Variants in DPYSL4 observed in about 807,000 individuals in gnomAD.
DPYSL4 encodes dihydropyrimidinase like 4, also known as dihydropyrimidinase-related protein 4.
In DPYSL4, 43 loss-of-function variants were observed where a neutral mutation model predicts 63.4. That is an observed-to-expected ratio of 0.68 (90% CI 0.53 to 0.88). The LOEUF is 0.88. Ranked by LOEUF, DPYSL4 falls within the 40% of genes least tolerant of loss-of-function variation. The probability of loss-of-function intolerance (pLI) is 0.00; values close to 1 mark genes in which losing one functional copy is unlikely to be tolerated. For missense variants in DPYSL4, 733 were observed against 819.5 expected (o/e 0.89, Z 1.29); for synonymous variants, 353 against 331.7 (o/e 1.06, Z -0.70).
intron 11 of DPYSL4, 84 bp downstream of exon 11, chr10:132,202,200 G>C: frequency 2.6e-6 from 4 of 1,514,398 alleles, no homozygotes; most frequent in Non-Finnish European, 3.5e-6. Flanking sequence ...GCGCAGGACA[G>C]AGGCCCACGT....
intron 12 of DPYSL4, chr10:132,203,433 C>A: frequency 2.6e-6 from 1 of 391,006 alleles, no homozygotes; most frequent in Admixed American, 3.9e-5. Flanking sequence ...TGTGCACACA[C>A]AAGTGCACGT....
At position 132,198,495 on chromosome 10, in the gene DPYSL4, G is replaced by A; in HGVS notation, c.690+12G>A. The A allele has an allele frequency of 6.3e-7, 1 of 1,595,346 alleles. No homozygotes were observed. The highest frequency in any genetic ancestry group is 8.5e-7 in the Non-Finnish European group (1 of 1,174,602). ...GCCACCCCGAGGAGGTAAGATCCCA[G>A]GGCACCACAGCACACCCGAGCCAAC... On this transcript the variant is annotated intron_variant, in intron 7 of 13. Coordinates refer to ENST00000338492, the MANE Select transcript of DPYSL4 (RefSeq NM_006426.3).
Position 132,187,111 on chromosome 10 carries a change from G to C in DPYSL4, c.39+9G>C, listed in dbSNP as rs757485817. The C allele has an allele frequency of 6.7e-7, 1 of 1,498,888 alleles. No individual in the cohort carries two copies. Among genetic ancestry groups the C allele is most frequent in the East Asian group, 2.6e-5 (1 of 38,372 alleles). The allele number at this position is 1,498,888 out of a possible 1,614,324, so 92.8% of individuals were successfully genotyped here. On this transcript the variant is annotated intron_variant, in intron 1 of 13. Transcript: ENST00000338492. ...GCATCCCCCGGATCACGGTGAGCCC[G>C]GTCCCGCTTCGCCCGGCGCCCCCTG...
chr10:132,203,663 C>T, intron 12 of DPYSL4, 99 bp from the exon 13 acceptor site: 1 of 1,194,804 alleles, frequency 8.4e-7, no homozygotes, highest in East Asian at 2.6e-5. Context: ...GCCCAGCCCT[C>T]CAGCTGCCCA....
chr10:132,200,621 G>A (rs2062001185), intron 9 of DPYSL4, 109 bp downstream of exon 9: 1 of 1,457,644 alleles, frequency 6.9e-7, no homozygotes, highest in South Asian at 1.3e-5. Flanking sequence ...GGGCAGCCCG[G>A]ACAGTGGCGG....
In DPYSL4 at chr10:132,202,757, G is replaced by A. The variant is rs772207382; in HGVS notation, c.1393G>A (p.Ala465Thr). 6 of 1,613,068 alleles carry A rather than the reference G, an allele frequency of 3.7e-6. No homozygotes were observed. The highest frequency in any genetic ancestry group is 5.1e-6 in the Non-Finnish European group (6 of 1,179,876). ...EDGKMFVTPG[A>T]GRFVPRKTFP... ...CGGGAAGATGTTTGTCACCCCGGGG[G>A]CGGGCCGCTTCGTCCCTCGGAAAAC... is the stretch of plus-strand genomic sequence containing the variant. The change falls in exon 12 of 14, where the codon GCG becomes ACG. Residue 465 changes from alanine (A) to threonine (T), a missense_variant. Ala to Thr is a moderately conservative substitution (Grantham distance 58). Coordinates refer to ENST00000338492, the MANE Select transcript of DPYSL4 (RefSeq NM_006426.3).
chr10:132,204,734 A>G, intron 13 of DPYSL4, 105 bp from the exon 14 acceptor site: 1 of 943,916 alleles, frequency 1.1e-6, no homozygotes, highest in South Asian at 2.2e-5. Flanking sequence ...GGGGCTCTGC[A>G]GTCCTGGCCC....
chr10:132,187,000 C>CCGGGGGGGGG lies in DPYSL4; in HGVS notation c.-64_-63insCGGGGGGGGG. ...ACGCGTCCCGGCTCACGCGTCCCCC[C>CCGGGGGGGGG]GCCCGCCCGCCCGCCCGCCCGCCCC... On this transcript the variant is annotated 5_prime_UTR_variant, in exon 1 of 14. Coordinates refer to ENST00000338492, the MANE Select transcript of DPYSL4 (RefSeq NM_006426.3). 3.6e-4 allele frequency: 4 copies of CCGGGGGGGGG among 11,126 alleles called. No individual in the cohort carries two copies. Among genetic ancestry groups the CCGGGGGGGGG allele is most frequent in the Non-Finnish European group, 3.5e-4 (2 of 5,646 alleles). The allele number at this position is 11,126 out of a possible 1,614,324, so 0.7% of individuals were successfully genotyped here.
Position 132,203,879 on chromosome 10 carries a change from T to C in DPYSL4, c.1579T>C (p.Ser527Pro). 1 of 1,612,786 alleles carries C rather than the reference T, an allele frequency of 6.2e-7. No individual in the cohort carries two copies. Among genetic ancestry groups the C allele is most frequent in the Admixed American group, 1.7e-5 (1 of 60,018 alleles). Residue 527 changes from serine (S) to proline (P), a missense_variant, in exon 13 of 14, where the codon TCC becomes CCC. Coordinates refer to ENST00000338492, the MANE Select transcript of DPYSL4 (RefSeq NM_006426.3). Reference sequence around the variant, plus strand: ...CCGCGCGTCCTGCCCAGGCAAGATCTCCGTCCCTCCTGTGCGCAACCTACA... The same window carrying C: ...CCGCGCGTCCTGCCCAGGCAAGATCCCCGTCCCTCCTGTGCGCAACCTACA... ...PARASCPGKI[S>P]VPPVRNLHQS...
chr10:132,200,149 C>T (rs1253572091), intron 8 of DPYSL4, among the ~76,000 whole-genome samples: 1 of 152,200 alleles, frequency 6.6e-6, no homozygotes, highest in Non-Finnish European at 1.5e-5. Flanking sequence ...CTCCCTTTCC[C>T]AGAAGGACCC....
chr10:132,203,119 C>A (rs1323001730), intron 12 of DPYSL4, among the ~76,000 whole-genome samples: 1 of 152,234 alleles, frequency 6.6e-6, no homozygotes, highest in Admixed American at 6.5e-5. Flanking sequence ...AGAGAAAATA[C>A]AGATATAAAG....
intron 1 of DPYSL4, among the ~76,000 whole-genome samples, chr10:132,188,057 T>C (rs1416534384): frequency 1.3e-5 from 2 of 152,034 alleles, no homozygotes; most frequent in African/African-American, 4.8e-5. Context: ...CCTCTCCAGA[T>C]GGGAGGGGCT....
At chr10:132,201,341 C>T (rs2062015935) in intron 10 of DPYSL4, among the ~76,000 whole-genome samples, 2 of 152,190 alleles carry the variant, frequency 1.3e-5, no homozygotes, top group South Asian at 4.1e-4. Context: ...CCTGCGCCCT[C>T]CCGCATCCTC....
chr10:132,195,022 G>A lies in DPYSL4; in HGVS notation c.478+13G>A, dbSNP rs1200863107. On this transcript the variant is annotated intron_variant, in intron 4 of 13. Coordinates refer to ENST00000338492, the MANE Select transcript of DPYSL4 (RefSeq NM_006426.3). ...GTCAAGGAGAAGGGTGAGGGTGGCT[G>A]GAGGGGCTGGAGGGCGGGCATGGAG... The A allele has an allele frequency of 6.3e-7, 1 of 1,596,458 alleles. No homozygotes were observed. Among genetic ancestry groups the A allele is most frequent in the Non-Finnish European group, 8.5e-7 (1 of 1,177,824 alleles).
In DPYSL4 at chr10:132,198,416, A is replaced by T; in HGVS notation, c.623A>T (p.Glu208Val). ...GAGGCATCCTGTTGGTTTCTTTAGG[A>T]GCAGAAGCGGTTGCTGGAGCTCGGC... is the stretch of plus-strand genomic sequence containing the variant. The part of the protein sequence containing the change: ...HAENGDIVEE[E>V]QKRLLELGIT... Residue 208 changes from glutamate (E) to valine (V), a missense_variant and splice_region_variant, in exon 7 of 14, where the codon GAG (glutamate) becomes GTG (valine). Transcript: ENST00000338492. 6.2e-7 allele frequency: 1 copy of T among 1,605,526 alleles called. No homozygotes were observed. Among genetic ancestry groups the T allele is most frequent in the Non-Finnish European group, 8.5e-7 (1 of 1,177,402 alleles).
intron 4 of DPYSL4, among the ~76,000 whole-genome samples, chr10:132,196,002 C>A (rs548441750): frequency 3.9e-5 from 6 of 152,244 alleles, no homozygotes; most frequent in Non-Finnish European, 8.8e-5. Flanking sequence ...CCAAACATGA[C>A]CTTCCTCAGA....
chr10:132,200,813 A>G (rs1489694301), intron 9 of DPYSL4, 29 bp from the exon 10 acceptor site: 1 of 1,607,086 alleles, frequency 6.2e-7, no homozygotes, highest in East Asian at 2.2e-5. Context: ...CAGGAAGGCC[A>G]GGACCCTCTG....
intron 2 of DPYSL4, among the ~76,000 whole-genome samples, chr10:132,191,133 G>A (rs1220513435): frequency 1.0e-5 from 1 of 98,808 alleles, no homozygotes; most frequent in African/African-American, 3.3e-5. Context: ...GCAGTTGAAA[G>A]TATGTTCCCA....
At position 132,187,074 on chromosome 10, in the gene DPYSL4, A is replaced by G; in HGVS notation, c.11A>G (p.Gln4Arg). The G allele has an allele frequency of 7.3e-7, 1 of 1,374,982 alleles. No individual in the cohort carries two copies. The highest frequency in any genetic ancestry group is 9.7e-7 in the Non-Finnish European group (1 of 1,033,016). 85.2% of individuals were successfully genotyped at this position (1,374,982 alleles called of 1,614,324 possible). The change falls in exon 1 of 14, where the codon CAG becomes CGG. Residue 4 changes from glutamine (Q) to arginine (R), a missense_variant. By Grantham distance (43) the Gln-to-Arg change is conservative. Transcript: ENST00000338492. MSF[Q>R]GKKSIPRITS... ...ACCCCCAGGAGCAGGATGTCCTTCC[A>G]GGGCAAGAAAAGCATCCCCCGGATC... is the stretch of plus-strand genomic sequence containing the variant.
Sources: allele counts gnomAD v4.1 joint callset (sites outside exome capture counted in the v4.1 genomes callset), GRCh38; gene constraint gnomAD v4.1.1; transcripts MANE v1.5; gene names NCBI Gene and HGNC (gene_info 2026-07-23, HGNC 2026-07-21).